TDRD3: variants seen among roughly 807,000 people sequenced by gnomAD.
The protein encoded by TDRD3 is tudor domain-containing protein 3.
A neutral mutation model predicts 86.7 loss-of-function variants in TDRD3; 45 were observed. That is an observed-to-expected ratio of 0.52 (90% CI 0.41 to 0.67). TDRD3 has a LOEUF of 0.67. Among genes scored for constraint, TDRD3 ranks in the 30% least tolerant of loss-of-function variants. TDRD3 has a pLI of 0.00. For synonymous variants in TDRD3, 298 were observed against 301.7 expected (o/e 0.99, Z 0.13); for missense variants, 814 against 889.0 (o/e 0.92, Z 1.07).
chr13:60,512,355 A>C (rs1231121256), intron 10 of TDRD3, among the ~76,000 whole-genome samples: 1 of 152,154 alleles, frequency 6.6e-6, no homozygotes, highest in Non-Finnish European at 1.5e-5. Context: ...GGGTGGGGAC[A>C]CAGCCAAACC....
intron 1 of TDRD3, among the ~76,000 whole-genome samples, chr13:60,415,905 A>G (rs1279636788): frequency 6.6e-6 from 1 of 152,166 alleles, no homozygotes; most frequent in Non-Finnish European, 1.5e-5. Context: ...CTTCATCAAT[A>G]TATCTTTTTC....
intron 13 of TDRD3, among the ~76,000 whole-genome samples, chr13:60,569,547 C>T (rs1958536189): frequency 6.6e-6 from 1 of 152,132 alleles, no homozygotes; most frequent in South Asian, 2.1e-4. Context: ...ATACTAAGGA[C>T]ATCCTTCATA....
At chr13:60,519,261 G>C (rs1006587414) in intron 10 of TDRD3, among the ~76,000 whole-genome samples, 4 of 152,140 alleles carry the variant, frequency 2.6e-5, no homozygotes, top group Admixed American at 1.3e-4. Context: ...CCAGGACTAT[G>C]CTAGGTGCTT....
intron 1 of TDRD3, among the ~76,000 whole-genome samples, chr13:60,403,852 T>C (rs1954163754): frequency 6.6e-6 from 1 of 152,224 alleles, no homozygotes; most frequent in South Asian, 2.1e-4. Context: ...GCTCTTGAAT[T>C]ATAATATCTT....
At chr13:60,469,636 G>C (rs1026830249) in intron 5 of TDRD3, among the ~76,000 whole-genome samples, 1 of 152,012 alleles carries the variant, frequency 6.6e-6, no homozygotes, top group Non-Finnish European at 1.5e-5. Context: ...TTTTGATTTG[G>C]TAGCCACAGC....
chr13:60,409,610 C>T (rs1211035273), intron 1 of TDRD3, among the ~76,000 whole-genome samples: 1 of 152,140 alleles, frequency 6.6e-6, no homozygotes, highest in Non-Finnish European at 1.5e-5. Flanking sequence ...TCAGACTTGC[C>T]TGGGCCCTGT....
chr13:60,549,774 A>AT (rs1179996850), intron 12 of TDRD3, among the ~76,000 whole-genome samples: 1 of 152,080 alleles, frequency 6.6e-6, no homozygotes, highest in Non-Finnish European at 1.5e-5. Flanking sequence ...ATTATTGACC[A>AT]TTTTATGAAA....
chr13:60,402,443 A>G (rs1043567891), intron 1 of TDRD3, among the ~76,000 whole-genome samples: 1 of 152,228 alleles, frequency 6.6e-6, no homozygotes, highest in Non-Finnish European at 1.5e-5. Context: ...CCATTCCAGT[A>G]CATCTCTTAG....
Position 60,557,079 on chromosome 13 carries a change from GC to G in TDRD3, c.2119-10444del, listed in dbSNP as rs1210199404. ...AAATTAGCCGGGCATGGTGGCACATGCCTGTAATCCCAGCTACTCTGGAGGC... is the reference window on the plus strand; with the variant it reads ...AAATTAGCCGGGCATGGTGGCACATGCTGTAATCCCAGCTACTCTGGAGGC... On this transcript the variant is annotated intron_variant, in intron 12 of 13. Coordinates refer to ENST00000377881, the MANE Select transcript of TDRD3 (RefSeq NM_001146070.2). Among the ~76,000 whole-genome samples, 13 of 152,110 alleles carry G rather than the reference GC, an allele frequency of 8.5e-5. No individual in the cohort carries two copies. The South Asian group carries it at 2.7e-3, about 32-fold the overall frequency.
At chr13:60,438,665 C>T (rs750178515) in intron 1 of TDRD3, among the ~76,000 whole-genome samples, 2 of 152,022 alleles carry the variant, frequency 1.3e-5, no homozygotes, top group African/African-American at 4.8e-5. Flanking sequence ...TTCTTAAAGG[C>T]ACTTTTTTTT....
At chr13:60,428,847 A>C (rs577007736) in intron 1 of TDRD3, among the ~76,000 whole-genome samples, 1 of 152,134 alleles carries the variant, frequency 6.6e-6, no homozygotes, top group African/African-American at 2.4e-5. Context: ...AAGAGTCTGG[A>C]GTTTAAGCAG....
At chr13:60,494,012 A>G (rs978413554) in intron 7 of TDRD3, among the ~76,000 whole-genome samples, 2 of 152,226 alleles carry the variant, frequency 1.3e-5, no homozygotes, top group Non-Finnish European at 2.9e-5. Context: ...AAGATTATGC[A>G]ATCATAATAC....
rs1217779900 is a variant in TDRD3 at position 60,509,470 on chromosome 13, C to G, written c.859-293C>G. On this transcript the variant is annotated intron_variant, in intron 8 of 13. Coordinates refer to ENST00000377881, the MANE Select transcript of TDRD3 (RefSeq NM_001146070.2). ...TTTTCATTAAGTAGTTTTCTCCTCA[C>G]TGTCTATATTATTTTCAAAGGCCAT... 2.2e-5 allele frequency: 5 copies of G among 232,536 alleles called. 1 individual carries two copies. The highest frequency in any genetic ancestry group is 4.2e-5 in the Non-Finnish European group (5 of 119,056). The allele number at this position is 232,536 out of a possible 1,614,324, so 14.4% of individuals were successfully genotyped here.
At chr13:60,558,600 A>C (rs1958256025) in intron 12 of TDRD3, among the ~76,000 whole-genome samples, 1 of 152,204 alleles carries the variant, frequency 6.6e-6, no homozygotes, top group African/African-American at 2.4e-5. Flanking sequence ...TTAAGGGTGT[A>C]GGCTAAAGGC....
intron 7 of TDRD3, among the ~76,000 whole-genome samples, chr13:60,487,751 G>C (rs1283190699): frequency 2.6e-5 from 4 of 152,090 alleles, no homozygotes. Flanking sequence ...ATATCTCTTT[G>C]ACCCACTGCT....
intron 4 of TDRD3, among the ~76,000 whole-genome samples, chr13:60,463,362 CA>C (rs57195209): frequency 0.019 from 1,570 of 81,514 alleles, 13 homozygotes; most frequent in African/African-American, 0.071. Context: ...AATTCTGGCT[CA>C]AAAAAAAAAA....
chr13:60,456,838 A>G (rs1955685619), intron 3 of TDRD3, among the ~76,000 whole-genome samples: 1 of 152,018 alleles, frequency 6.6e-6, no homozygotes, highest in Admixed American at 6.6e-5. Flanking sequence ...TGCGGCTACA[A>G]GCACACACCA....
At chr13:60,490,223 A>T (rs1403909495) in intron 7 of TDRD3, among the ~76,000 whole-genome samples, 1 of 152,166 alleles carries the variant, frequency 6.6e-6, no homozygotes, top group African/African-American at 2.4e-5. Context: ...ATAGTAATAT[A>T]AGCATACTAA....
At chr13:60,486,500 T>A (rs1310971483) in intron 7 of TDRD3, among the ~76,000 whole-genome samples, 1 of 152,190 alleles carries the variant, frequency 6.6e-6, no homozygotes, top group Non-Finnish European at 1.5e-5. Flanking sequence ...AACTGACAAA[T>A]AATTACACAT....
Sources: gnomAD v4.1 joint callset for allele counts (sites outside exome capture counted in the v4.1 genomes callset) on GRCh38, gnomAD v4.1.1 for gene constraint, MANE v1.5 for transcripts, NCBI Gene and HGNC (gene_info 2026-07-23, HGNC 2026-07-21) for gene names.